The following KCNH5 variants were observed in gnomAD, a reference collection of about 807,000 sequenced individuals.
KCNH5 encodes voltage-gated delayed rectifier potassium channel KCNH5.
A neutral mutation model predicts 96.1 loss-of-function variants in KCNH5; 46 were observed. The observed-to-expected ratio is 0.48, with a 90% CI of 0.38 to 0.61. The LOEUF (loss-of-function observed/expected upper bound fraction) is 0.61. Among genes scored for constraint, KCNH5 ranks in the 20% least tolerant of loss-of-function variants. KCNH5 has a pLI of 0.00. For missense variants in KCNH5, 907 were observed against 1,225.8 expected (o/e 0.74, Z 3.88); for synonymous variants, 439 against 449.8 (o/e 0.98, Z 0.30).
chr14:62,717,753 AC>A (rs1884715852), intron 10 of KCNH5, among the ~76,000 whole-genome samples: 1 of 152,230 alleles, frequency 6.6e-6, no homozygotes, highest in African/African-American at 2.4e-5. Flanking sequence ...GTAGATAGGT[AC>A]GTAAATCTCA....
At chr14:62,815,460 T>C in intron 8 of KCNH5, among the ~76,000 whole-genome samples, 1 of 152,240 alleles carries the variant, frequency 6.6e-6, no homozygotes, top group Middle Eastern at 3.4e-3. Context: ...AATTTACTTT[T>C]AAAAGTTTAG....
At chr14:63,023,841 A>G (rs1891474370) in intron 1 of KCNH5, among the ~76,000 whole-genome samples, 1 of 152,220 alleles carries the variant, frequency 6.6e-6, no homozygotes, top group African/African-American at 2.4e-5. Flanking sequence ...AAATTTACAA[A>G]TATGTGGAAA....
chr14:62,804,069 C>T (rs1398333008), intron 8 of KCNH5, among the ~76,000 whole-genome samples: 1 of 152,154 alleles, frequency 6.6e-6, no homozygotes, highest in Non-Finnish European at 1.5e-5. Flanking sequence ...AACTGGGTTG[C>T]TTCCCTGTAG....
chr14:62,908,929 C>T (rs1421616546), intron 7 of KCNH5, among the ~76,000 whole-genome samples: 2 of 150,440 alleles, frequency 1.3e-5, no homozygotes, highest in African/African-American at 4.9e-5. Flanking sequence ...TACTACCTGA[C>T]CAGGTCCAAA....
At chr14:62,819,891 C>A (rs1200531582) in intron 8 of KCNH5, among the ~76,000 whole-genome samples, 1 of 152,138 alleles carries the variant, frequency 6.6e-6, no homozygotes, top group East Asian at 1.9e-4. Context: ...AAAATATTGA[C>A]TTTAGGCAAA....
At chr14:62,759,970 C>T in intron 10 of KCNH5, among the ~76,000 whole-genome samples, 1 of 152,176 alleles carries the variant, frequency 6.6e-6, no homozygotes, top group South Asian at 2.1e-4. Flanking sequence ...CCACTCCCAA[C>T]AGCCTACAGG....
chr14:62,922,434 A>T (rs1410435624), intron 7 of KCNH5, among the ~76,000 whole-genome samples: 3 of 152,062 alleles, frequency 2.0e-5, no homozygotes, highest in Admixed American at 6.6e-5. Flanking sequence ...ACACCTATAA[A>T]TTCTTTGTTC....
chr14:63,024,603 G>A lies in KCNH5; in HGVS notation c.74-7649C>T, dbSNP rs566784179. Reference sequence around the variant, plus strand: ...AAATCAAAGAGGAGACAATACAACTGATACCACAGAAATACAAAGGATCAT... The same window carrying A: ...AAATCAAAGAGGAGACAATACAACTAATACCACAGAAATACAAAGGATCAT... On this transcript the variant is annotated intron_variant, in intron 1 of 10. Coordinates refer to ENST00000322893, the MANE Select transcript of KCNH5 (RefSeq NM_139318.5). 1.2e-4 allele frequency among the ~76,000 whole-genome samples: 18 copies of A among 152,070 alleles called. 1 individual carries two copies. In the South Asian group the frequency reaches 3.3e-3, roughly 28 times the overall value.
chr14:62,979,108 G>A (rs185871385), intron 6 of KCNH5, among the ~76,000 whole-genome samples: 51 of 152,176 alleles, frequency 3.4e-4, no homozygotes, highest in African/African-American at 1.2e-3. Flanking sequence ...AACTTTTCTA[G>A]ATTCCACATG....
intron 8 of KCNH5, among the ~76,000 whole-genome samples, chr14:62,829,290 A>G (rs1216051540): frequency 2.0e-5 from 3 of 152,084 alleles, no homozygotes; most frequent in Admixed American, 1.3e-4. Context: ...CTCTTCTCAC[A>G]GCTTCACTAG....
intron 10 of KCNH5, among the ~76,000 whole-genome samples, chr14:62,778,881 A>C (rs920416475): frequency 6.6e-6 from 1 of 152,218 alleles, no homozygotes; most frequent in Non-Finnish European, 1.5e-5. Flanking sequence ...GTTCATTTCT[A>C]TGTTGCTACA....
At chr14:62,921,925 T>A (rs1314202646) in intron 7 of KCNH5, among the ~76,000 whole-genome samples, 1 of 152,090 alleles carries the variant, frequency 6.6e-6, no homozygotes, top group Non-Finnish European at 1.5e-5. Context: ...CTGAGAATAG[T>A]AACAATAATT....
At chr14:62,937,358 G>T (rs1390624915) in intron 7 of KCNH5, among the ~76,000 whole-genome samples, 1 of 152,098 alleles carries the variant, frequency 6.6e-6, no homozygotes, top group Non-Finnish European at 1.5e-5. Flanking sequence ...AGCTGGATTG[G>T]TATTTGTAAG....
intron 5 of KCNH5, among the ~76,000 whole-genome samples, chr14:62,982,461 G>C (rs561044149): frequency 1.3e-5 from 2 of 152,214 alleles, no homozygotes; most frequent in Non-Finnish European, 2.9e-5. Flanking sequence ...TTTGCCCATT[G>C]TATGTATTCA....
At chr14:62,783,785 A>T (rs1886266455) in intron 9 of KCNH5, among the ~76,000 whole-genome samples, 1 of 152,124 alleles carries the variant, frequency 6.6e-6, no homozygotes, top group African/African-American at 2.4e-5. Flanking sequence ...ACAGCTTTTG[A>T]GGTAACATGC....
chr14:62,898,242 T>C (rs1888854680), intron 7 of KCNH5, among the ~76,000 whole-genome samples: 1 of 152,072 alleles, frequency 6.6e-6, no homozygotes, highest in Non-Finnish European at 1.5e-5. Flanking sequence ...TAAAACTAAA[T>C]AGAAAGGGCT....
chr14:62,813,265 G>T (rs1886908471), intron 8 of KCNH5, among the ~76,000 whole-genome samples: 1 of 152,128 alleles, frequency 6.6e-6, no homozygotes, highest in African/African-American at 2.4e-5. Context: ...TGAAACAAAA[G>T]TAGAATTGTA....
chr14:62,782,356 T>C (rs2139978597), intron 9 of KCNH5, among the ~76,000 whole-genome samples: 1 of 152,320 alleles, frequency 6.6e-6, no homozygotes, highest in East Asian at 1.9e-4. Flanking sequence ...AACCACCACA[T>C]GATCATGTGA....
intron 7 of KCNH5, among the ~76,000 whole-genome samples, chr14:62,934,448 C>G (rs568542939): frequency 2.6e-5 from 4 of 152,108 alleles, no homozygotes; most frequent in Non-Finnish European, 5.9e-5. Flanking sequence ...GTTTCCAAAC[C>G]ATTAAAATTC....
Sources: allele counts gnomAD v4.1 joint callset (sites outside exome capture counted in the v4.1 genomes callset), GRCh38; gene constraint gnomAD v4.1.1; transcripts MANE v1.5; gene names NCBI Gene and HGNC (gene_info 2026-07-23, HGNC 2026-07-21).